Variants in CA1 observed in about 807,000 individuals in gnomAD.
The protein encoded by CA1 is carbonic anhydrase 1.
In CA1, 27 loss-of-function variants were observed where a neutral mutation model predicts 28.8. The observed-to-expected ratio is 0.94, with a 90% CI of 0.69 to 1.29. The LOEUF is 1.29. CA1 is among the 50% of genes most tolerant of loss of function. CA1 has a pLI of 0.00. For synonymous variants in CA1, 121 were observed against 108.8 expected, an observed-to-expected ratio of 1.11 and a Z score of -0.70; for missense variants, 335 against 310.5, an observed-to-expected ratio of 1.08 and a Z score of -0.59.
chr8:85,346,921 T>G (rs1307949790), intron 1 of CA1, among the ~76,000 whole-genome samples: 1 of 152,216 alleles, frequency 6.6e-6, no homozygotes, highest in African/African-American at 2.4e-5. Context: ...AACACTTGCT[T>G]CATAGATACA....
chr8:85,329,685 C>CT lies in CA1; in HGVS notation c.669+3dup. 1 of 1,609,540 alleles carries CT rather than the reference C, an allele frequency of 6.2e-7. No homozygotes were observed. ...TCCCAGTTCCCATTCATTCACAACT[C>CT]TACCTGCTCTGAGCTGACACTGATG... On this transcript the variant is annotated splice_donor_region_variant and intron_variant, in intron 7 of 7. Coordinates refer to ENST00000523022, the MANE Select transcript of CA1 (RefSeq NM_001128831.4).
At chr8:85,367,796 G>A (rs1810066814) in intron 1 of CA1, among the ~76,000 whole-genome samples, 1 of 152,136 alleles carries the variant, frequency 6.6e-6, no homozygotes, top group South Asian at 2.1e-4. Flanking sequence ...AGGAATAAAG[G>A]CAAGATGTAC....
intron 4 of CA1, among the ~76,000 whole-genome samples, chr8:85,336,420 A>AT (rs1808655523): frequency 6.6e-6 from 1 of 152,150 alleles, no homozygotes; most frequent in African/African-American, 2.4e-5. Context: ...ATGTCCTGAA[A>AT]TAAGTCACAA....
intron 1 of CA1, among the ~76,000 whole-genome samples, chr8:85,369,798 G>A (rs547246294): frequency 1.3e-5 from 2 of 152,082 alleles, no homozygotes; most frequent in Non-Finnish European, 1.5e-5. Context: ...CATCCCTTAC[G>A]CCTGTTACCC....
intron 2 of CA1, among the ~76,000 whole-genome samples, chr8:85,339,226 A>G (rs1228262229): frequency 2.0e-5 from 3 of 152,208 alleles, no homozygotes; most frequent in Non-Finnish European, 2.9e-5. Flanking sequence ...CCTTGCATCA[A>G]GCAAGCTTAT....
intron 1 of CA1, among the ~76,000 whole-genome samples, chr8:85,366,293 G>T (rs1810005608): frequency 6.6e-6 from 1 of 151,186 alleles, no homozygotes; most frequent in South Asian, 2.1e-4. Flanking sequence ...GATTACAGGT[G>T]TGAGTTACTG....
intron 2 of CA1, among the ~76,000 whole-genome samples, chr8:85,340,711 A>G (rs1251584031): frequency 6.6e-6 from 1 of 152,234 alleles, no homozygotes; most frequent in African/African-American, 2.4e-5. Flanking sequence ...GGAGAAGGTC[A>G]AGTTATCAAC....
At position 85,328,444 on chromosome 8, in the gene CA1, G is replaced by T. The variant is rs1808258040; in HGVS notation, c.*116C>A. Reference sequence around the variant, plus strand: ...CTTAGTTTTACAGATTGATTTGAAGGCATGCTGTCTTGCTAATATTGAAAT... The same window carrying T: ...CTTAGTTTTACAGATTGATTTGAAGTCATGCTGTCTTGCTAATATTGAAAT... On this transcript the variant is annotated 3_prime_UTR_variant, in exon 8 of 8. Coordinates refer to ENST00000523022, the MANE Select transcript of CA1 (RefSeq NM_001128831.4). 1.2e-5 allele frequency: 8 copies of T among 652,034 alleles called. No individual in the cohort carries two copies. In the East Asian group the frequency reaches 1.4e-4, roughly 12 times the overall value. 40.4% of individuals were successfully genotyped at this position (652,034 alleles called of 1,614,324 possible).
intron 1 of CA1, among the ~76,000 whole-genome samples, chr8:85,362,054 G>A (rs951732299): frequency 1.3e-5 from 2 of 152,076 alleles, no homozygotes; most frequent in Non-Finnish European, 2.9e-5. Context: ...TACGTTTTTG[G>A]GGCTAAAATC....
At chr8:85,343,948 T>C (rs1809025784) in intron 1 of CA1, among the ~76,000 whole-genome samples, 1 of 151,354 alleles carries the variant, frequency 6.6e-6, no homozygotes, top group African/African-American at 2.4e-5. Flanking sequence ...AAATTCAAGA[T>C]GTTTAGTTTT....
chr8:85,343,456 G>A (rs1428857719), intron 1 of CA1, among the ~76,000 whole-genome samples: 1 of 152,112 alleles, frequency 6.6e-6, no homozygotes, highest in African/African-American at 2.4e-5. Flanking sequence ...ATTGGATTAG[G>A]TGATGTAGCT....
chr8:85,332,407 C>T (rs757995080), intron 6 of CA1, 83 bp downstream of exon 6: 103 of 1,106,296 alleles, frequency 9.3e-5, no homozygotes, highest in Non-Finnish European at 1.3e-4. Context: ...TCCTACTCCC[C>T]AGTTTTAATA....
intron 1 of CA1, among the ~76,000 whole-genome samples, chr8:85,361,361 A>G (rs1809788799): frequency 6.6e-6 from 1 of 152,192 alleles, no homozygotes; most frequent in African/African-American, 2.4e-5. Context: ...TAAAAAGATA[A>G]TAAAGAAGAA....
intron 1 of CA1, among the ~76,000 whole-genome samples, chr8:85,344,725 G>A (rs1015463667): frequency 3.3e-5 from 5 of 152,046 alleles, no homozygotes; most frequent in Non-Finnish European, 7.4e-5. Flanking sequence ...TGCCATCCGT[G>A]CCTAGTTATG....
At chr8:85,350,941 C>T (rs1009010283) in intron 1 of CA1, among the ~76,000 whole-genome samples, 3 of 152,122 alleles carry the variant, frequency 2.0e-5, no homozygotes, top group Non-Finnish European at 4.4e-5. Context: ...GGTTCACGTT[C>T]GATGTTCTTA....
intron 1 of CA1, among the ~76,000 whole-genome samples, chr8:85,363,617 T>C (rs909288310): frequency 1.3e-5 from 2 of 152,230 alleles, no homozygotes; most frequent in African/African-American, 4.8e-5. Flanking sequence ...TTGTGGTAAA[T>C]GCTGCCAATT....
At chr8:85,363,233 C>G (rs555842840) in intron 1 of CA1, among the ~76,000 whole-genome samples, 1 of 152,166 alleles carries the variant, frequency 6.6e-6, no homozygotes, top group African/African-American at 2.4e-5. Context: ...AAACTTTGCC[C>G]GCATCTTTCC....
In CA1 at chr8:85,328,465, G is replaced by A. The variant is rs1808259104; in HGVS notation, c.*95C>T. 1.3e-6 allele frequency: 1 copy of A among 766,110 alleles called. No individual in the cohort carries two copies. The highest frequency in any genetic ancestry group is 1.9e-5 in the Admixed American group (1 of 53,450). 47.5% of individuals were successfully genotyped at this position (766,110 alleles called of 1,614,324 possible). ...GAAGGCATGCTGTCTTGCTAATATT[G>A]AAATAAATTTATTTCTTAAAAATTA... On this transcript the variant is annotated 3_prime_UTR_variant, in exon 8 of 8. Transcript: ENST00000523022.
At chr8:85,351,622 A>G (rs1436904781) in intron 1 of CA1, 1 of 152,190 alleles carries the variant, frequency 6.6e-6, no homozygotes, top group Non-Finnish European at 1.5e-5. Flanking sequence ...GTAATCCTAG[A>G]TCACCCATTT....
Sources: allele counts gnomAD v4.1 joint callset (sites outside exome capture counted in the v4.1 genomes callset), GRCh38; gene constraint gnomAD v4.1.1; transcripts MANE v1.5; gene names NCBI Gene and HGNC (gene_info 2026-07-23, HGNC 2026-07-21).